KDM1A: variants seen among roughly 807,000 people sequenced by gnomAD.
KDM1A encodes the protein lysine demethylase 1A, also known as lysine-specific histone demethylase 1A.
A neutral mutation model predicts 109.4 loss-of-function variants in KDM1A; 49 were observed. That is an observed-to-expected ratio of 0.45 (90% CI 0.36 to 0.57). KDM1A has a LOEUF of 0.57. Ranked by LOEUF, KDM1A falls within the 20% of genes least tolerant of loss-of-function variation. The pLI, the probability that KDM1A is intolerant of heterozygous loss-of-function variation, is 0.00. For missense variants in KDM1A, 668 were observed against 1,116.6 expected (o/e 0.60, Z 5.73); for synonymous variants, 380 against 415.4 (o/e 0.91, Z 1.04).
In KDM1A at chr1:23,019,894, GGAATAGCAGAGA is replaced by G; in HGVS notation, c.299_310del (p.Gly100_Thr104delinsAla). The G allele has an allele frequency of 6.4e-7, 1 of 1,570,854 alleles. No homozygotes were observed. Among genetic ancestry groups the G allele is most frequent in the Non-Finnish European group, 8.6e-7 (1 of 1,161,212 alleles). ...TGGGTCTGCGACCCCCATGGAAACT[GGAATAGCAGAGA>G]CTCCGGAGGGGCGTCGGACCAGCCG... On this transcript the variant is annotated inframe_deletion, in exon 1 of 21. Coordinates refer to ENST00000400181, the MANE Select transcript of KDM1A (RefSeq NM_001009999.3).
Position 23,050,395 on chromosome 1 carries a change from G to A in KDM1A, c.586G>A (p.Gly196Ser). 1 of 1,609,510 alleles carries A rather than the reference G, an allele frequency of 6.2e-7. No homozygotes were observed. Residue 196 changes from glycine to serine, a missense_variant, in exon 4 of 21, where the codon GGC becomes AGC. By Grantham distance (56) the Gly-to-Ser change is moderately conservative. Around this residue, in one of 8 missense-constraint regions of KDM1A, gnomAD observed 149 missense variants for 189.7 expected, o/e 0.79. Coordinates refer to ENST00000400181, the MANE Select transcript of KDM1A (RefSeq NM_001009999.3). ...TTTGCTTTCTTCGTTAGGTGTGGAG[G>A]GCGCAGCTTTCCAGAGCCGACTTCC... ...YGDGQASGVE[G>S]AAFQSRLPHD...
intron 2 of KDM1A, among the ~76,000 whole-genome samples, chr1:23,041,945 A>T (rs1239696963): frequency 2.0e-5 from 3 of 152,182 alleles, no homozygotes; most frequent in African/African-American, 4.8e-5. Context: ...CCTATTGAGT[A>T]CGCAAGTCAG....
chr1:23,053,888 G>T, intron 5 of KDM1A, 49 bp downstream of exon 5: 1 of 992,530 alleles, frequency 1.0e-6, no homozygotes, highest in South Asian at 1.3e-5. Context: ...TGTGAAAATT[G>T]ATACGTTCTT....
At position 23,071,296 on chromosome 1, in the gene KDM1A, C is replaced by A. The variant is rs763665324; in HGVS notation, c.1485C>A (p.Pro495=). The change falls in exon 13 of 21, where the codon CCC becomes CCA. Residue 495 remains proline, a synonymous_variant. Transcript: ENST00000400181. ...QYKEASEVKP[P]RDITAEFLVK... is the part of the protein sequence containing the mutation. ...AAGAAGCATCTGAAGTAAAGCCACC[C>A]AGAGATATTACTGCCGAGTTCTTAG... 6.2e-7 allele frequency: 1 copy of A among 1,613,046 alleles called. No homozygotes were observed.
At chr1:23,059,774 C>T (rs971923976) in intron 9 of KDM1A, among the ~76,000 whole-genome samples, 1 of 152,122 alleles carries the variant, frequency 6.6e-6, no homozygotes, top group Admixed American at 6.5e-5. Flanking sequence ...TAATTTTTTA[C>T]AAGTGAGTGA....
chr1:23,038,254 TTGTGTGTGTGTGTGTGTGTG>T (rs56016343), intron 2 of KDM1A, among the ~76,000 whole-genome samples: 1 of 149,208 alleles, frequency 6.7e-6, no homozygotes, highest in Non-Finnish European at 1.5e-5. Context: ...CTGGAACTGT[TTGTGTGTGTGTGTGTGTGTG>T]TGTGTGTGTG....
intron 19 of KDM1A, 177 bp downstream of exon 19, chr1:23,081,750 G>GCTCTT: frequency 4.3e-6 from 3 of 692,758 alleles, no homozygotes; most frequent in South Asian, 2.2e-5. Context: ...AAACCCCCCA[G>GCTCTT]GACAAGAGCT....
chr1:23,041,648 G>A (rs992842974), intron 2 of KDM1A, among the ~76,000 whole-genome samples: 3 of 151,362 alleles, frequency 2.0e-5, no homozygotes, highest in African/African-American at 7.3e-5. Context: ...TCACCATGTT[G>A]GTCAGGCTGG....
chr1:23,042,996 G>C (rs1194458187), intron 2 of KDM1A, among the ~76,000 whole-genome samples: 2 of 152,090 alleles, frequency 1.3e-5, no homozygotes, highest in Non-Finnish European at 2.9e-5. Flanking sequence ...TGATCTGCCT[G>C]CCTCAGCCTC....
chr1:23,069,121 T>C lies in KDM1A; in HGVS notation c.1383T>C (p.Thr461=). 1 of 1,608,720 alleles carries C rather than the reference T, an allele frequency of 6.2e-7. No individual in the cohort carries two copies. The highest frequency in any genetic ancestry group is 8.5e-7 in the Non-Finnish European group (1 of 1,176,276). The part of the protein sequence containing the change: ...QIEHWKKIVK[T]QEELKELLNK... Reference sequence around the variant, plus strand: ...AACATTGGAAGAAGATAGTGAAAACTCAGGAAGAATTGAAAGAACTTCTTA... The same window carrying C: ...AACATTGGAAGAAGATAGTGAAAACCCAGGAAGAATTGAAAGAACTTCTTA... The change falls in exon 12 of 21, where the codon ACT becomes ACC. Residue 461 remains threonine (T), a synonymous_variant. Coordinates refer to ENST00000400181, the MANE Select transcript of KDM1A (RefSeq NM_001009999.3).
rs5773034 is a variant in KDM1A at position 23,049,152 on chromosome 1, C to CAAA, written c.578-1213_578-1211dup. On this transcript the variant is annotated intron_variant, in intron 3 of 20. Coordinates refer to ENST00000400181, the MANE Select transcript of KDM1A (RefSeq NM_001009999.3). Reference sequence around the variant, plus strand: ...TGGGCGACAGAGTGAGACTCCCTCTCAAAAAAAAAAAAAAAAAAAAAAAAT... The same window carrying CAAA: ...TGGGCGACAGAGTGAGACTCCCTCTCAAAAAAAAAAAAAAAAAAAAAAAAAAAT... Among the ~76,000 whole-genome samples, 247 of 74,650 alleles carry CAAA rather than the reference C, an allele frequency of 3.3e-3. 4 individuals are homozygous for CAAA. The highest frequency in any genetic ancestry group is 5.3e-3 in the African/African-American group (99 of 18,828). 49.0% of individuals were successfully genotyped at this position (74,650 alleles called of 152,430 possible).
intron 18 of KDM1A, among the ~76,000 whole-genome samples, chr1:23,080,638 A>AAGG (rs972981907): frequency 6.6e-6 from 1 of 152,250 alleles, no homozygotes; most frequent in African/African-American, 2.4e-5. Flanking sequence ...CACATCCTGG[A>AAGG]AGGCACCATG....
rs1569838737 is a variant in KDM1A at position 23,083,260 on chromosome 1, C to T, written c.2527C>T (p.Leu843=). Residue 843 remains leucine (L), a synonymous_variant, in exon 21 of 21, where the codon CTG becomes TTG. Transcript: ENST00000400181. ...ATVHGALLSG[L]REAGRIADQF... ...AGTGCATGGTGCTCTGCTGAGTGGGCTGCGAGAAGCGGGAAGAATTGCAGA... is the reference window on the plus strand; with the variant it reads ...AGTGCATGGTGCTCTGCTGAGTGGGTTGCGAGAAGCGGGAAGAATTGCAGA... 1 of 1,614,008 alleles carries T rather than the reference C, an allele frequency of 6.2e-7. No individual in the cohort carries two copies. Among genetic ancestry groups the T allele is most frequent in the Non-Finnish European group, 8.5e-7 (1 of 1,179,980 alleles).
chr1:23,057,741 C>G (rs1006408706), intron 8 of KDM1A, 176 bp downstream of exon 8: 11 of 365,350 alleles, frequency 3.0e-5, no homozygotes, highest in Non-Finnish European at 4.6e-5. Context: ...CCTAGAGTAC[C>G]TTTTTCTAGT....
intron 6 of KDM1A, chr1:23,055,415 AT>A: frequency 4.3e-6 from 1 of 234,744 alleles, no homozygotes; most frequent in Non-Finnish European, 8.0e-6. Context: ...TGGATTTCCA[AT>A]TTAAAAAAAA....
intron 19 of KDM1A, 23 bp from the exon 20 acceptor site, chr1:23,082,197 T>G (rs1299081107): frequency 8.7e-6 from 14 of 1,611,674 alleles, no homozygotes; most frequent in Non-Finnish European, 1.2e-5. Context: ...CGTAATGACT[T>G]TTGCTCCTGG....
At chr1:23,076,408 TTGAC>T (rs1643466499) in intron 15 of KDM1A, among the ~76,000 whole-genome samples, 1 of 152,198 alleles carries the variant, frequency 6.6e-6, no homozygotes, top group Non-Finnish European at 1.5e-5. Context: ...TTCATCTAGT[TTGAC>T]TGACTTAGTT....
Position 23,083,099 on chromosome 1 carries a change from A to G in KDM1A, c.2446-80A>G, listed in dbSNP as rs12083742. 5.9e-6 allele frequency: 8 copies of G among 1,355,198 alleles called. No individual in the cohort carries two copies. The African/African-American group carries it at 1.0e-4, about 17-fold the overall frequency. The allele number at this position is 1,355,198 out of a possible 1,614,324, so 83.9% of individuals were successfully genotyped here. A position where few individuals can be genotyped will look rare whatever the true frequency, so the allele number is the denominator to read the frequency against. On this transcript the variant is annotated intron_variant, in intron 20 of 20. Coordinates refer to ENST00000400181, the MANE Select transcript of KDM1A (RefSeq NM_001009999.3). ...TCAGCCTTTAAAAAGGTCAACAGCA[A>G]TTTAAGTACTTAGCAATTTAAGTAC... is the stretch of plus-strand genomic sequence containing the variant.
At position 23,079,764 on chromosome 1, in the gene KDM1A, T is replaced by G; in HGVS notation, c.2170+97T>G. On this transcript the variant is annotated intron_variant, in intron 18 of 20. Coordinates refer to ENST00000400181, the MANE Select transcript of KDM1A (RefSeq NM_001009999.3). The surrounding 1 kb of genome is among the most constrained non-coding windows in gnomAD (Gnocchi z 5.6). Reference sequence around the variant, plus strand: ...CTCAATATATATGCCTTAATTTCTCTCTTTATTAACTCAACAAACAATTCC... The same window carrying G: ...CTCAATATATATGCCTTAATTTCTCGCTTTATTAACTCAACAAACAATTCC... 15 of 683,550 alleles carry G rather than the reference T, an allele frequency of 2.2e-5. No individual in the cohort carries two copies. The South Asian group carries it at 3.1e-4, about 14-fold the overall frequency. 42.3% of individuals were successfully genotyped at this position (683,550 alleles called of 1,614,324 possible).
Sources: allele counts gnomAD v4.1 joint callset (sites outside exome capture counted in the v4.1 genomes callset), GRCh38; gene constraint gnomAD v4.1.1; regional missense constraint gnomAD v4.1.1; non-coding constraint Gnocchi (gnomAD v3.1); transcripts MANE v1.5; gene names NCBI Gene and HGNC (gene_info 2026-07-23, HGNC 2026-07-21).